Variants in SVIL observed in about 807,000 individuals in gnomAD.
SVIL encodes the protein supervillin.
Under a neutral mutation model 240.4 loss-of-function variants are expected in SVIL, and 101 were observed. The ratio of observed to expected loss-of-function variants is 0.42; its 90% CI spans 0.36 to 0.50. The LOEUF (loss-of-function observed/expected upper bound fraction) is 0.50. Ranked by LOEUF, SVIL falls within the 20% of genes least tolerant of loss-of-function variation. The pLI is 0.01. For missense variants in SVIL, 2,512 were observed against 2,818.7 expected, an observed-to-expected ratio of 0.89 and a Z score of 2.46; for synonymous variants, 999 against 1,100.0, an observed-to-expected ratio of 0.91 and a Z score of 1.82.
At chr10:29,568,772 T>C (rs190027381) in intron 2 of SVIL, among the ~76,000 whole-genome samples, 2 of 137,114 alleles carry the variant, frequency 1.5e-5, no homozygotes, top group African/African-American at 6.0e-5. Flanking sequence ...ATAACTCACA[T>C]GGATGGGTGG....
intron 2 of SVIL, among the ~76,000 whole-genome samples, chr10:29,681,142 G>T (rs999178226): frequency 4.6e-5 from 7 of 152,144 alleles, no homozygotes; most frequent in Admixed American, 4.6e-4. Flanking sequence ...GCATGGTAGG[G>T]AATGGGGCTG....
At chr10:29,521,360 T>C (rs887022142) in intron 16 of SVIL, among the ~76,000 whole-genome samples, 1 of 152,002 alleles carries the variant, frequency 6.6e-6, no homozygotes, top group Non-Finnish European at 1.5e-5. Flanking sequence ...GACTTCCGTG[T>C]GGTGGGAGGT....
chr10:29,533,285 C>G lies in SVIL; in HGVS notation c.1082G>C (p.Arg361Pro). The change falls in exon 8 of 38, where the codon CGA becomes CCA. Residue 361 changes from arginine (R) to proline (P), a missense_variant. By Grantham distance (103) the Arg-to-Pro change is moderately radical (BLOSUM62 -2). Around this residue, in one of 3 missense-constraint regions of SVIL, gnomAD observed 1,443 missense variants for 1,486.6 expected, o/e 0.97. Transcript: ENST00000355867. Reference sequence around the variant, plus strand: ...TTGGACATAGCCACGGATTGGCTGTCGTGTAGAGCCTGCTGCCTTGCTGGG... The same window carrying G: ...TTGGACATAGCCACGGATTGGCTGTGGTGTAGAGCCTGCTGCCTTGCTGGG... ...RVPSKAAGST[R>P]QPIRGYVQPA... is the part of the protein sequence containing the mutation. The G allele has an allele frequency of 6.2e-7, 1 of 1,614,084 alleles. No individual in the cohort carries two copies. Among genetic ancestry groups the G allele is most frequent in the Middle Eastern group, 1.6e-4 (1 of 6,062 alleles).
At chr10:29,485,690 G>A (rs1332340830) in intron 26 of SVIL, among the ~76,000 whole-genome samples, 1 of 152,116 alleles carries the variant, frequency 6.6e-6, no homozygotes, top group Non-Finnish European at 1.5e-5. Flanking sequence ...TTACTGCTGT[G>A]ACAGGACAAA....
chr10:29,488,543 A>C, intron 23 of SVIL, 58 bp downstream of exon 23: 1 of 1,481,912 alleles, frequency 6.7e-7, no homozygotes, highest in Non-Finnish European at 8.9e-7. Context: ...AGGACTCCGT[A>C]TGGGACCAGA....
At chr10:29,650,343 G>A (rs1402639352) in intron 3 of SVIL, among the ~76,000 whole-genome samples, 15 of 152,128 alleles carry the variant, frequency 9.9e-5, no homozygotes, top group Non-Finnish European at 1.2e-4. Flanking sequence ...GGTAAGAGCC[G>A]TGGGCAATGC....
At chr10:29,540,149 C>T (rs137951654) in intron 6 of SVIL, among the ~76,000 whole-genome samples, 4 of 152,182 alleles carry the variant, frequency 2.6e-5, no homozygotes, top group Non-Finnish European at 5.9e-5. Context: ...GCAGATGAGT[C>T]ATTCCTCTTG....
chr10:29,713,887 C>T (rs1357626075), intron 1 of SVIL, among the ~76,000 whole-genome samples: 1 of 152,168 alleles, frequency 6.6e-6, no homozygotes, highest in Non-Finnish European at 1.5e-5. Flanking sequence ...TACTTCAAGG[C>T]TTCTTGCAGT....
At chr10:29,527,926 ACC>A in intron 12 of SVIL, among the ~76,000 whole-genome samples, 1 of 150,990 alleles carries the variant, frequency 6.6e-6, no homozygotes, top group East Asian at 2.0e-4. Context: ...ACGGGGTTTC[ACC>A]ATGTTGGCCA....
In SVIL at chr10:29,473,799, C is replaced by T. The variant is rs370737275; in HGVS notation, c.5529+39G>A. On this transcript the variant is annotated intron_variant, in intron 30 of 37. Transcript: ENST00000355867. Reference sequence around the variant, plus strand: ...CCATCGGCTCCCAGGAGAGGATGCTCCTCTCAGTCCCCGGGGTGCAGAGCT... The same window carrying T: ...CCATCGGCTCCCAGGAGAGGATGCTTCTCTCAGTCCCCGGGGTGCAGAGCT... The T allele has an allele frequency of 1.6e-5, 25 of 1,612,626 alleles. No homozygotes were observed. The African/African-American group carries it at 2.7e-4, about 17-fold the overall frequency.
intron 36 of SVIL, among the ~76,000 whole-genome samples, chr10:29,461,709 A>G (rs997172698): frequency 2.0e-5 from 3 of 152,226 alleles, no homozygotes; most frequent in Non-Finnish European, 4.4e-5. Flanking sequence ...AGATTATAAT[A>G]TATTTTGGTG....
intron 1 of SVIL, among the ~76,000 whole-genome samples, chr10:29,700,631 C>T (rs1358624807): frequency 1.3e-5 from 2 of 151,966 alleles, no homozygotes; most frequent in South Asian, 2.1e-4. Context: ...CCACCACACC[C>T]GACTAGTTTT....
intron 5 of SVIL, among the ~76,000 whole-genome samples, chr10:29,554,435 C>A (rs1328028971): frequency 6.6e-6 from 1 of 152,050 alleles, no homozygotes; most frequent in African/African-American, 2.4e-5. Flanking sequence ...CACTAAAAGC[C>A]AGAAGTTCGA....
intron 17 of SVIL, among the ~76,000 whole-genome samples, chr10:29,510,552 A>G (rs2132482055): frequency 6.6e-6 from 1 of 151,796 alleles, no homozygotes; most frequent in East Asian, 1.9e-4. Context: ...GAAGGGCGTG[A>G]TGAGCTGACC....
chr10:29,605,696 C>T (rs1441826648), intron 1 of SVIL, among the ~76,000 whole-genome samples: 1 of 139,926 alleles, frequency 7.1e-6, no homozygotes. Flanking sequence ...GGAAAAGTGG[C>T]TTTAAAAAAT....
intron 3 of SVIL, among the ~76,000 whole-genome samples, chr10:29,562,309 A>G (rs916143181): frequency 1.3e-5 from 2 of 152,248 alleles, no homozygotes; most frequent in East Asian, 1.9e-4. Flanking sequence ...GAATTGGTTT[A>G]TAGTTGGTGC....
At chr10:29,507,110 A>G (rs1262408790) in intron 17 of SVIL, among the ~76,000 whole-genome samples, 2 of 152,194 alleles carry the variant, frequency 1.3e-5, no homozygotes, top group East Asian at 3.9e-4. Flanking sequence ...CAGGGGGCCC[A>G]TGGTCTCTAG....
At chr10:29,555,162 T>C (rs1953792038) in intron 3 of SVIL, 54 bp from the exon 4 acceptor site, 2 of 1,474,902 alleles carry the variant, frequency 1.4e-6, no homozygotes, top group African/African-American at 2.8e-5. Flanking sequence ...CGTGCGCTCA[T>C]TTTATTCACT....
chr10:29,493,065 C>T, intron 21 of SVIL, 149 bp downstream of exon 21: 1 of 978,518 alleles, frequency 1.0e-6, no homozygotes, highest in Non-Finnish European at 1.5e-6. Flanking sequence ...TCCTGCAACA[C>T]CTTGCCCTGG....
Sources: gnomAD v4.1 joint callset for allele counts (sites outside exome capture counted in the v4.1 genomes callset) on GRCh38, gnomAD v4.1.1 for gene constraint, gnomAD v4.1.1 regional missense constraint, MANE v1.5 for transcripts, NCBI Gene and HGNC (gene_info 2026-07-23, HGNC 2026-07-21) for gene names.